ZFPM2: variants seen among roughly 807,000 people sequenced by gnomAD.
ZFPM2 encodes the protein zinc finger protein, FOG family member 2, also known as zinc finger protein ZFPM2.
In ZFPM2, 20 loss-of-function variants were observed where a neutral mutation model predicts 98.6. The ratio of observed to expected loss-of-function variants is 0.20; its 90% CI spans 0.14 to 0.29. The LOEUF is 0.29. Ranked by LOEUF, ZFPM2 falls within the 10% of genes least tolerant of loss-of-function variation. ZFPM2 has a pLI of 1.00. For synonymous variants in ZFPM2, 518 were observed against 502.7 expected (o/e 1.03, Z -0.41); for missense variants, 1,310 against 1,388.6 (o/e 0.94, Z 0.90).
rs150607788 is a variant in ZFPM2, at chr8:105,629,038, G to A, written c.421-5208G>A. Reference sequence around the variant, plus strand: ...ACCCCTGCCTGTATGCTGCTGTGGGGCCTGCATGGAGTTCATTCCTGCCGG... The same window carrying A: ...ACCCCTGCCTGTATGCTGCTGTGGGACCTGCATGGAGTTCATTCCTGCCGG... On this transcript the variant is annotated intron_variant, in intron 4 of 7. Transcript: ENST00000407775. Among the ~76,000 whole-genome samples the A allele has an allele frequency of 7.2e-4, 109 of 152,288 alleles. 3 individuals are homozygous for A. In the East Asian group the frequency reaches 0.019, roughly 26 times the overall value.
At chr8:105,626,295 T>C (rs536397915) in intron 4 of ZFPM2, among the ~76,000 whole-genome samples, 70 of 152,316 alleles carry the variant, frequency 4.6e-4, no homozygotes, top group African/African-American at 1.4e-3. Flanking sequence ...AGATTTTAAA[T>C]TGTTATGCCC....
intron 4 of ZFPM2, among the ~76,000 whole-genome samples, chr8:105,632,112 G>A (rs1215967461): frequency 6.6e-6 from 1 of 151,974 alleles, no homozygotes; most frequent in East Asian, 1.9e-4. Context: ...GACTTGTTCT[G>A]CCTGTGCCTG....
At chr8:105,547,391 A>C (rs1814731282) in intron 3 of ZFPM2, among the ~76,000 whole-genome samples, 1 of 151,798 alleles carries the variant, frequency 6.6e-6, no homozygotes, top group African/African-American at 2.4e-5. Flanking sequence ...AAAAATATGA[A>C]AATAGCCGAG....
At chr8:105,540,496 G>A (rs1381275777) in intron 3 of ZFPM2, among the ~76,000 whole-genome samples, 1 of 151,888 alleles carries the variant, frequency 6.6e-6, no homozygotes, top group Non-Finnish European at 1.5e-5. Flanking sequence ...TGTGATAAGT[G>A]GATAACAACA....
At chr8:105,505,882 G>A (rs1434095479) in intron 3 of ZFPM2, among the ~76,000 whole-genome samples, 2 of 151,994 alleles carry the variant, frequency 1.3e-5, no homozygotes, top group African/African-American at 2.4e-5. Context: ...AATGTATGAA[G>A]AATATTTTAG....
At chr8:105,610,263 C>A (rs762207621) in intron 4 of ZFPM2, among the ~76,000 whole-genome samples, 2 of 152,052 alleles carry the variant, frequency 1.3e-5, no homozygotes, top group Non-Finnish European at 2.9e-5. Context: ...ATATACCTAC[C>A]TTGATTGCTG....
chr8:105,380,529 C>T (rs781673944), intron 1 of ZFPM2, among the ~76,000 whole-genome samples: 2 of 135,636 alleles, frequency 1.5e-5, no homozygotes, highest in Non-Finnish European at 3.1e-5. Context: ...TATGCACACC[C>T]GAACTCAGCC....
At chr8:105,717,372 A>G (rs1811548196) in intron 5 of ZFPM2, among the ~76,000 whole-genome samples, 2 of 151,988 alleles carry the variant, frequency 1.3e-5, no homozygotes, top group Non-Finnish European at 2.9e-5. Flanking sequence ...CTCTGATAAC[A>G]TCAGTATTGT....
At chr8:105,682,905 A>G (rs1810642111) in intron 5 of ZFPM2, among the ~76,000 whole-genome samples, 1 of 152,126 alleles carries the variant, frequency 6.6e-6, no homozygotes, top group Non-Finnish European at 1.5e-5. Flanking sequence ...TAATCTGTTC[A>G]GGCTGATGTA....
intron 5 of ZFPM2, among the ~76,000 whole-genome samples, chr8:105,768,085 C>CCTCTCTCTCT (rs139124537): frequency 6.8e-6 from 1 of 146,972 alleles, no homozygotes; most frequent in African/African-American, 2.5e-5. Context: ...AACACATATT[C>CCTCTCTCTCT]CTCTCTCTCT....
chr8:105,333,641 A>G (rs1812274315), intron 1 of ZFPM2, among the ~76,000 whole-genome samples: 1 of 151,684 alleles, frequency 6.6e-6, no homozygotes, highest in Non-Finnish European at 1.5e-5. Context: ...TCATTACAGC[A>G]TGGTTTCTGA....
chr8:105,386,835 G>C (rs960190581), intron 1 of ZFPM2, among the ~76,000 whole-genome samples: 6 of 152,238 alleles, frequency 3.9e-5, no homozygotes, highest in Admixed American at 2.6e-4. Context: ...GCTAGAACAA[G>C]GGGAAGGTGG....
At position 105,634,016 on chromosome 8, in the gene ZFPM2, G is replaced by GAA. The variant is rs34543965; in HGVS notation, c.421-219_421-218dup. Among the ~76,000 whole-genome samples, 167 of 147,070 alleles carry GAA rather than the reference G, an allele frequency of 1.1e-3. 1 individual carries two copies. The highest frequency in any genetic ancestry group is 3.8e-3 in the African/African-American group (152 of 39,826). ...GGAGATCTGATTCAGTATCATTTAG[G>GAA]AAAAAAAAAAAATCCTTGATAATAT... On this transcript the variant is annotated intron_variant, in intron 4 of 7. Coordinates refer to ENST00000407775, the MANE Select transcript of ZFPM2 (RefSeq NM_012082.4).
At chr8:105,693,316 G>A (rs1409233635) in intron 5 of ZFPM2, among the ~76,000 whole-genome samples, 1 of 152,068 alleles carries the variant, frequency 6.6e-6, no homozygotes, top group African/African-American at 2.4e-5. Context: ...TCAAGTGTAC[G>A]TGCATTGGTG....
chr8:105,568,749 TA>T (rs1178773850), intron 4 of ZFPM2, among the ~76,000 whole-genome samples: 1 of 152,182 alleles, frequency 6.6e-6, no homozygotes, highest in Non-Finnish European at 1.5e-5. Context: ...TCCTGTGCTT[TA>T]AAATCATTCT....
chr8:105,634,264 C>A lies in ZFPM2; in HGVS notation c.439C>A (p.Pro147Thr). 1.2e-6 allele frequency: 2 copies of A among 1,612,446 alleles called. No individual in the cohort carries two copies. The highest frequency in any genetic ancestry group is 1.7e-4 in the Middle Eastern group (1 of 6,054). Residue 147 changes from proline (P) to threonine (T), a missense_variant, in exon 5 of 8, where the codon CCA becomes ACA. Pro to Thr is a conservative substitution (Grantham distance 38). Transcript: ENST00000407775. The stretch of plus-strand genomic sequence containing the variant: ...TCTACAGAAGACAAAGGCTCAGGTC[C>A]CAATGGTGCTGACTGCTGGTCCCAA... ...NNSLKTKAQV[P>T]MVLTAGPKWL...
At chr8:105,605,055 T>G (rs1466161855) in intron 4 of ZFPM2, among the ~76,000 whole-genome samples, 1 of 152,138 alleles carries the variant, frequency 6.6e-6, no homozygotes. Flanking sequence ...CCATTCTCAT[T>G]CTCAAGTAAA....
chr8:105,665,537 C>A (rs957404586), intron 5 of ZFPM2, among the ~76,000 whole-genome samples: 2 of 152,092 alleles, frequency 1.3e-5, no homozygotes, highest in South Asian at 4.1e-4. Flanking sequence ...ATTCTCTGTT[C>A]AGGAATGGTT....
intron 4 of ZFPM2, among the ~76,000 whole-genome samples, chr8:105,618,178 T>C (rs1009384331): frequency 6.6e-6 from 1 of 152,162 alleles, no homozygotes; most frequent in Non-Finnish European, 1.5e-5. Flanking sequence ...TGGAAGATCA[T>C]TTAAGCTAGT....
Sources: allele counts gnomAD v4.1 joint callset (sites outside exome capture counted in the v4.1 genomes callset), GRCh38; gene constraint gnomAD v4.1.1; transcripts MANE v1.5; gene names NCBI Gene and HGNC (gene_info 2026-07-23, HGNC 2026-07-21).